PTPRD: variants seen among roughly 807,000 people sequenced by gnomAD.
PTPRD encodes the protein protein tyrosine phosphatase receptor type D, also known as receptor-type tyrosine-protein phosphatase delta.
PTPRD carries 34 observed loss-of-function variants against 214.5 expected under a neutral mutation model. The observed-to-expected ratio is 0.16, with a 90% CI of 0.12 to 0.21. The LOEUF (loss-of-function observed/expected upper bound fraction) is 0.21, where lower values mean the gene tolerates loss of function less well. Among genes scored for constraint, PTPRD ranks in the 10% least tolerant of loss-of-function variants. PTPRD has a pLI of 1.00. For synonymous variants in PTPRD, 1,128 were observed against 845.7 expected, an observed-to-expected ratio of 1.33 and a Z score of -5.79; for missense variants, 2,545 against 2,398.7, an observed-to-expected ratio of 1.06 and a Z score of -1.27.
chr9:9,017,938 A>C (rs577960951), intron 11 of PTPRD, among the ~76,000 whole-genome samples: 12 of 152,176 alleles, frequency 7.9e-5, no homozygotes, highest in African/African-American at 2.4e-4. Context: ...TCCAGTCTCT[A>C]CTTACTACTT....
At chr9:8,357,007 C>G (rs2077134238) in intron 39 of PTPRD, among the ~76,000 whole-genome samples, 1 of 152,102 alleles carries the variant, frequency 6.6e-6, no homozygotes, top group Non-Finnish European at 1.5e-5. Flanking sequence ...TATAAAATTA[C>G]TATATTTGAG....
chr9:9,545,434 A>G (rs1360317321), intron 8 of PTPRD, among the ~76,000 whole-genome samples: 1 of 151,890 alleles, frequency 6.6e-6, no homozygotes, highest in African/African-American at 2.4e-5. Flanking sequence ...CTTTTCACAT[A>G]GTAATATGCA....
At chr9:8,547,077 C>G (rs910964965) in intron 14 of PTPRD, among the ~76,000 whole-genome samples, 1 of 152,150 alleles carries the variant, frequency 6.6e-6, no homozygotes, top group African/African-American at 2.4e-5. Context: ...ACTCTTCTAT[C>G]TCTTTGAAAT....
rs185023940 is a variant in PTPRD at position 10,031,377 on chromosome 9, T to C, written c.-472+2341A>G. ...TGGGCTGGGGAAGGCAGACCCACCC[T>C]TAATCTGGCAGGCACCATCTAAGTA... On this transcript the variant is annotated intron_variant, in intron 4 of 45. Transcript: ENST00000381196. 8.1e-3 allele frequency among the ~76,000 whole-genome samples: 1,236 copies of C among 151,890 alleles called. 9 individuals carry two copies. Among genetic ancestry groups the C allele is most frequent in the Admixed American group, 0.014 (216 of 15,248 alleles).
intron 7 of PTPRD, among the ~76,000 whole-genome samples, chr9:9,607,243 T>C (rs756525007): frequency 6.6e-6 from 1 of 152,102 alleles, no homozygotes; most frequent in Non-Finnish European, 1.5e-5. Flanking sequence ...AGTAACCCAA[T>C]CACACTGGAG....
chr9:8,609,595 G>A (rs553050111), intron 14 of PTPRD, among the ~76,000 whole-genome samples: 1 of 152,214 alleles, frequency 6.6e-6, no homozygotes, highest in African/African-American at 2.4e-5. Flanking sequence ...CACAGAACAG[G>A]AGCAATTTAG....
At chr9:9,601,228 G>A (rs915752580) in intron 7 of PTPRD, among the ~76,000 whole-genome samples, 2 of 151,280 alleles carry the variant, frequency 1.3e-5, no homozygotes, top group African/African-American at 4.9e-5. Context: ...TAATATTTGA[G>A]TTATAATTAC....
intron 11 of PTPRD, among the ~76,000 whole-genome samples, chr9:8,868,893 T>A (rs574841408): frequency 6.6e-6 from 1 of 152,322 alleles, no homozygotes; most frequent in Non-Finnish European, 1.5e-5. Flanking sequence ...ATTCTAAGAA[T>A]GTGGGCTATG....
chr9:9,014,497 A>T (rs1238478513), intron 11 of PTPRD, among the ~76,000 whole-genome samples: 1 of 152,192 alleles, frequency 6.6e-6, no homozygotes, highest in African/African-American at 2.4e-5. Context: ...GATTACCTAG[A>T]GTGAATAAGA....
intron 39 of PTPRD, among the ~76,000 whole-genome samples, chr9:8,345,619 C>G (rs1333017416): frequency 1.3e-5 from 2 of 151,968 alleles, no homozygotes; most frequent in Non-Finnish European, 1.5e-5. Flanking sequence ...ACTCCAGACA[C>G]AAAATAATCC....
chr9:10,495,412 G>C (rs1206018814), intron 2 of PTPRD, among the ~76,000 whole-genome samples: 1 of 151,830 alleles, frequency 6.6e-6, no homozygotes, highest in Non-Finnish European at 1.5e-5. Flanking sequence ...TGGGCTTCCA[G>C]ATGTCAGCTG....
chr9:9,983,124 G>C (rs1419778900), intron 4 of PTPRD, among the ~76,000 whole-genome samples: 1 of 152,044 alleles, frequency 6.6e-6, no homozygotes, highest in East Asian at 1.9e-4. Flanking sequence ...AGGTGATTTG[G>C]ATGCAAATCA....
intron 9 of PTPRD, among the ~76,000 whole-genome samples, chr9:9,372,559 CTT>C (rs2059812063): frequency 2.0e-5 from 3 of 152,208 alleles, no homozygotes; most frequent in East Asian, 1.9e-4. Flanking sequence ...GGTCTTGACT[CTT>C]TATCCCATTT....
At chr9:8,618,715 TAGAC>T (rs2095695445) in intron 14 of PTPRD, among the ~76,000 whole-genome samples, 1 of 151,828 alleles carries the variant, frequency 6.6e-6, no homozygotes, top group South Asian at 2.1e-4. Context: ...TTCTTGTTTT[TAGAC>T]AGAGTATTGC....
At chr9:8,550,198 G>A (rs1276045383) in intron 14 of PTPRD, among the ~76,000 whole-genome samples, 1 of 152,006 alleles carries the variant, frequency 6.6e-6, no homozygotes, top group Non-Finnish European at 1.5e-5. Flanking sequence ...TGATTGCTCT[G>A]GCCTTTTAAA....
intron 3 of PTPRD, among the ~76,000 whole-genome samples, chr9:10,331,865 T>C (rs994760536): frequency 2.0e-5 from 3 of 151,884 alleles, no homozygotes; most frequent in African/African-American, 7.2e-5. Flanking sequence ...AAATAAGTTA[T>C]TTTGTTCAAT....
At chr9:8,788,931 A>C (rs1409535986) in intron 11 of PTPRD, among the ~76,000 whole-genome samples, 1 of 151,784 alleles carries the variant, frequency 6.6e-6, no homozygotes, top group African/African-American at 2.4e-5. Context: ...TGTTTACTGG[A>C]CCTTATCAAT....
intron 8 of PTPRD, among the ~76,000 whole-genome samples, chr9:9,561,868 T>A (rs879551397): frequency 6.6e-6 from 1 of 152,218 alleles, no homozygotes; most frequent in African/African-American, 2.4e-5. Flanking sequence ...GAATGGCCCA[T>A]GGCTCAGACT....
At chr9:8,392,265 C>T (rs1208236108) in intron 36 of PTPRD, among the ~76,000 whole-genome samples, 1 of 152,018 alleles carries the variant, frequency 6.6e-6, no homozygotes, top group African/African-American at 2.4e-5. Flanking sequence ...TGGCTCATGC[C>T]TGTAATTCCG....
Sources: gnomAD v4.1 joint callset for allele counts (sites outside exome capture counted in the v4.1 genomes callset) on GRCh38, gnomAD v4.1.1 for gene constraint, MANE v1.5 for transcripts, NCBI Gene and HGNC (gene_info 2026-07-23, HGNC 2026-07-21) for gene names.